Variants in OSBPL10 observed in about 807,000 individuals in gnomAD.
OSBPL10 encodes oxysterol-binding protein-related protein 10.
In OSBPL10, 49 loss-of-function variants were observed where a neutral mutation model predicts 81.7. That is an observed-to-expected ratio of 0.60 (90% CI 0.48 to 0.76). The LOEUF is 0.76. Ranked by LOEUF, OSBPL10 falls within the 30% of genes least tolerant of loss-of-function variation. OSBPL10 has a pLI of 0.00. For missense variants in OSBPL10, 923 were observed against 987.8 expected, an observed-to-expected ratio of 0.93 and a Z score of 0.88; for synonymous variants, 419 against 383.6, an observed-to-expected ratio of 1.09 and a Z score of -1.08.
intron 1 of OSBPL10, among the ~76,000 whole-genome samples, chr3:31,893,225 G>A (rs1483924430): frequency 6.6e-6 from 1 of 152,128 alleles, no homozygotes; most frequent in Non-Finnish European, 1.5e-5. Context: ...ACTAAGAGAA[G>A]CAACCCATTC....
chr3:31,796,061 G>C (rs1699204165), intron 4 of OSBPL10: 1 of 177,336 alleles, frequency 5.6e-6, no homozygotes, highest in Middle Eastern at 9.4e-4. Context: ...GAAAGCTCCA[G>C]TCTCAAGAAA....
intron 1 of OSBPL10, among the ~76,000 whole-genome samples, chr3:31,893,543 G>C (rs543172757): frequency 5.9e-5 from 9 of 152,090 alleles, no homozygotes; most frequent in Admixed American, 5.9e-4. Context: ...CTACTAAACA[G>C]AAATTAAAAC....
At chr3:31,768,600 G>T (rs1698270161) in intron 4 of OSBPL10, among the ~76,000 whole-genome samples, 1 of 151,982 alleles carries the variant, frequency 6.6e-6, no homozygotes, top group Non-Finnish European at 1.5e-5. Flanking sequence ...TCACTCCAGG[G>T]ATAAATTGGC....
chr3:31,748,692 G>A lies in OSBPL10; in HGVS notation c.730-572C>T, dbSNP rs112929876. 7.5e-3 allele frequency among the ~76,000 whole-genome samples: 1,116 copies of A among 148,440 alleles called. 14 individuals are homozygous for A. Among genetic ancestry groups the A allele is most frequent in the Middle Eastern group, 0.022 (6 of 276 alleles). The stretch of plus-strand genomic sequence containing the variant: ...ACAGGACATGACCTTCTTAACACCA[G>A]GAGAGATGTCAGGAAGAGAAAAACC... On this transcript the variant is annotated intron_variant, in intron 4 of 11. Coordinates refer to ENST00000396556, the MANE Select transcript of OSBPL10 (RefSeq NM_017784.5).
chr3:31,733,452 T>G, intron 5 of OSBPL10, 41 bp from the exon 6 acceptor site: 1 of 1,612,244 alleles, frequency 6.2e-7, no homozygotes, highest in Non-Finnish European at 8.5e-7. Flanking sequence ...ATTTTCCAAA[T>G]TAAACATTTA....
At position 31,980,828 on chromosome 3, in the gene OSBPL10, TACACACACGCACGCACACAC is replaced by T. The variant is rs1330159881; in HGVS notation, c.281+51_281+70del. The T allele has an allele frequency of 1.9e-4, 267 of 1,423,626 alleles. No homozygotes were observed. In the African/African-American group the frequency reaches 4.4e-3, roughly 23 times the overall value. The allele number at this position is 1,423,626 out of a possible 1,614,324, so 88.2% of individuals were successfully genotyped here. On this transcript the variant is annotated intron_variant, in intron 1 of 11. Transcript: ENST00000396556. ...GCGCACACACATACACAGACACACA[TACACACACGCACGCACACAC>T]ACACACACACACACAGCGGCGCGCG...
intron 3 of OSBPL10, among the ~76,000 whole-genome samples, chr3:31,872,283 C>T (rs971563950): frequency 6.6e-5 from 10 of 152,192 alleles, no homozygotes; most frequent in African/African-American, 2.4e-4. Context: ...TAGCTGACAT[C>T]TGTGAGGCTA....
intron 4 of OSBPL10, among the ~76,000 whole-genome samples, chr3:31,811,392 T>C (rs1021854776): frequency 2.0e-5 from 3 of 152,146 alleles, no homozygotes; most frequent in Admixed American, 1.3e-4. Flanking sequence ...CTGTGCCCCA[T>C]GTGCGGCGCA....
At chr3:31,924,949 T>C (rs1468547662) in intron 1 of OSBPL10, among the ~76,000 whole-genome samples, 2 of 152,184 alleles carry the variant, frequency 1.3e-5, no homozygotes, top group East Asian at 1.9e-4. Context: ...CAAATTTCAG[T>C]AACAGAGCAA....
chr3:31,680,731 A>T (rs1053487890), intron 8 of OSBPL10, among the ~76,000 whole-genome samples: 1 of 152,178 alleles, frequency 6.6e-6, no homozygotes, highest in Non-Finnish European at 1.5e-5. Context: ...TGCCCCTCTA[A>T]GGAGCCTGGG....
chr3:31,823,896 G>A (rs940619297), intron 4 of OSBPL10, among the ~76,000 whole-genome samples: 3 of 151,464 alleles, frequency 2.0e-5, no homozygotes, highest in African/African-American at 7.3e-5. Flanking sequence ...CTATCACCTA[G>A]GCTGCAGTGC....
chr3:32,016,887 G>A (rs936675268), intron 2 of OSBPL10, among the ~76,000 whole-genome samples: 2 of 152,160 alleles, frequency 1.3e-5, no homozygotes, highest in Non-Finnish European at 2.9e-5. Context: ...AAACCTAAAT[G>A]AGAGACCGTA....
chr3:31,907,166 T>A (rs369033492), intron 1 of OSBPL10, among the ~76,000 whole-genome samples: 24 of 152,152 alleles, frequency 1.6e-4, no homozygotes, highest in African/African-American at 5.8e-4. Context: ...CTTTTGAGGA[T>A]CTGCTATATG....
intron 1 of OSBPL10, among the ~76,000 whole-genome samples, chr3:31,904,850 G>A (rs1269201768): frequency 2.6e-5 from 4 of 152,156 alleles, no homozygotes; most frequent in African/African-American, 9.7e-5. Context: ...TTCAAATCAA[G>A]GTGGAACTTT....
intron 4 of OSBPL10, among the ~76,000 whole-genome samples, chr3:31,814,560 G>A (rs556076704): frequency 1.3e-5 from 2 of 152,266 alleles, no homozygotes; most frequent in South Asian, 4.2e-4. Flanking sequence ...CCCGAAGCTG[G>A]AGTGATGCGT....
In OSBPL10 at chr3:31,664,094, T is replaced by C; in HGVS notation, c.2235A>G (p.Lys745=). The C allele has an allele frequency of 6.2e-7, 1 of 1,614,058 alleles. No homozygotes were observed. The highest frequency in any genetic ancestry group is 8.5e-7 in the Non-Finnish European group (1 of 1,180,020). The change falls in exon 11 of 12, where the codon AAA becomes AAG. Residue 745 remains lysine (K), a synonymous_variant. Coordinates refer to ENST00000396556, the MANE Select transcript of OSBPL10 (RefSeq NM_017784.5). ...RENLRTPWKP[K]YFIQEGDGWV... ...GCAGAGTTACCTCCTGGATAAAATA[T>C]TTGGGCTTCCATGGTGTGCGGAGGT...
chr3:31,741,930 C>T (rs1393900477), intron 5 of OSBPL10, among the ~76,000 whole-genome samples: 1 of 152,210 alleles, frequency 6.6e-6, no homozygotes, highest in African/African-American at 2.4e-5. Flanking sequence ...TAAGATGTGA[C>T]TTGCTTCTCC....
intron 3 of OSBPL10, 132 bp from the exon 4 acceptor site, chr3:31,830,363 T>C: frequency 1.1e-6 from 1 of 913,880 alleles, no homozygotes; most frequent in Non-Finnish European, 1.6e-6. Flanking sequence ...ATGAAGGAGG[T>C]ATAACAACAC....
chr3:31,907,997 G>T (rs1375458219), intron 1 of OSBPL10, among the ~76,000 whole-genome samples: 3 of 152,122 alleles, frequency 2.0e-5, no homozygotes, highest in Non-Finnish European at 4.4e-5. Flanking sequence ...AACTTCACTG[G>T]GTCAGGGAAG....
Sources: gnomAD v4.1 joint callset for allele counts (sites outside exome capture counted in the v4.1 genomes callset) on GRCh38, gnomAD v4.1.1 for gene constraint, MANE v1.5 for transcripts, NCBI Gene and HGNC (gene_info 2026-07-23, HGNC 2026-07-21) for gene names.